FSCN1: variants seen among roughly 807,000 people sequenced by gnomAD.
The protein encoded by FSCN1 is fascin actin-bundling protein 1.
Under a neutral mutation model 39.7 loss-of-function variants are expected in FSCN1, and 10 were observed. The observed-to-expected ratio is 0.25, with a 90% CI of 0.16 to 0.43. The LOEUF is 0.43. Ranked by LOEUF, FSCN1 falls within the 20% of genes least tolerant of loss-of-function variation. The probability of loss-of-function intolerance (pLI) is 1.00; values close to 1 mark genes in which losing one functional copy is unlikely to be tolerated. For missense variants in FSCN1, 525 were observed against 723.8 expected (o/e 0.73, Z 3.15); for synonymous variants, 322 against 320.0 (o/e 1.01, Z -0.07).
intron 1 of FSCN1, chr7:5,602,886 CG>C (rs1003204757): frequency 3.3e-5 from 8 of 244,752 alleles, no homozygotes; most frequent in African/African-American, 1.6e-4. Flanking sequence ...TTTGTAGAGA[CG>C]GGGGTGGGGT....
At chr7:5,604,488 T>C (rs1448431695) in intron 4 of FSCN1, among the ~76,000 whole-genome samples, 2 of 146,368 alleles carry the variant, frequency 1.4e-5, no homozygotes, top group Non-Finnish European at 3.0e-5. Context: ...TTTGTTTGTT[T>C]TTTTGAGACT....
chr7:5,603,449 C>CA lies in FSCN1; in HGVS notation c.989+37dup, dbSNP rs763256193. ...CGCTCCCACCTGTCACCGCCCCCACCACCTTGCCTGGGCTACCCCGCCTGA... is the reference window on the plus strand; with the variant it reads ...CGCTCCCACCTGTCACCGCCCCCACCAACCTTGCCTGGGCTACCCCGCCTGA... On this transcript the variant is annotated intron_variant, in intron 2 of 4. Transcript: ENST00000382361. The surrounding 1 kb of genome is among the most constrained non-coding windows in gnomAD (Gnocchi z 8.5). 7 of 1,613,904 alleles carry CA rather than the reference C, an allele frequency of 4.3e-6. No individual in the cohort carries two copies.
At chr7:5,595,185 T>A (rs1785708741) in intron 1 of FSCN1, among the ~76,000 whole-genome samples, 1 of 152,202 alleles carries the variant, frequency 6.6e-6, no homozygotes, top group Non-Finnish European at 1.5e-5. Flanking sequence ...CTGTGGGCTC[T>A]GCAGGAGGGG....
intron 1 of FSCN1, among the ~76,000 whole-genome samples, chr7:5,596,371 A>G (rs752884339): frequency 2.6e-5 from 4 of 151,910 alleles, no homozygotes; most frequent in Non-Finnish European, 4.4e-5. Flanking sequence ...CCTGCTCTTC[A>G]GCCTCAGTTT....
intron 1 of FSCN1, among the ~76,000 whole-genome samples, chr7:5,602,443 C>T (rs1274380611): frequency 6.6e-6 from 1 of 152,108 alleles, no homozygotes; most frequent in African/African-American, 2.4e-5. Context: ...CACGGCCCCC[C>T]AAGATGCGCT....
At chr7:5,604,897 A>G (rs925971746) in intron 4 of FSCN1, among the ~76,000 whole-genome samples, 1 of 151,978 alleles carries the variant, frequency 6.6e-6, no homozygotes, top group African/African-American at 2.4e-5. Flanking sequence ...TCAGCCTCCC[A>G]CAGTGCTGGG....
At chr7:5,595,057 G>C (rs1013081863) in intron 1 of FSCN1, among the ~76,000 whole-genome samples, 3 of 152,226 alleles carry the variant, frequency 2.0e-5, no homozygotes, top group Non-Finnish European at 2.9e-5. Context: ...GGCGTGGGGG[G>C]ATCTTTTTCC....
intron 1 of FSCN1, chr7:5,594,051 C>T (rs546954435): frequency 7.3e-6 from 3 of 412,826 alleles, no homozygotes; most frequent in Non-Finnish European, 1.3e-5. Flanking sequence ...CCTAACCCCC[C>T]CCCCCGCCCA....
intron 1 of FSCN1, chr7:5,602,998 C>A: frequency 3.7e-6 from 2 of 538,898 alleles, no homozygotes; most frequent in Non-Finnish European, 6.7e-6. Flanking sequence ...GCATGAGCCC[C>A]TGTCCCTGGC....
rs568990173 is a variant in FSCN1 at position 5,599,325 on chromosome 7, G to C, written c.833-3932G>C. On this transcript the variant is annotated intron_variant, in intron 1 of 4. Transcript: ENST00000382361. This position sits in a 1 kb window ranked among gnomAD's most constrained non-coding sequence, Gnocchi z 5.6. ...CCAGGAACCCATAGACAAGAGGGTG[G>C]GGCAGGGAAAGGGCGTGGCAAGAGG... Among the ~76,000 whole-genome samples the C allele has an allele frequency of 6.3e-4, 96 of 152,298 alleles. No individual in the cohort carries two copies. The highest frequency in any genetic ancestry group is 2.2e-3 in the African/African-American group (93 of 41,572).
At chr7:5,598,490 G>A (rs1440968374) in intron 1 of FSCN1, among the ~76,000 whole-genome samples, 1 of 152,250 alleles carries the variant, frequency 6.6e-6, no homozygotes, top group African/African-American at 2.4e-5. Flanking sequence ...TAAGCCCTGC[G>A]CAGCCATTGG....
chr7:5,597,896 G>C (rs995226192), intron 1 of FSCN1, among the ~76,000 whole-genome samples: 2 of 152,046 alleles, frequency 1.3e-5, no homozygotes, highest in Non-Finnish European at 2.9e-5. Context: ...CCTGGCTCCC[G>C]GGGGCTTCTG....
At chr7:5,600,085 A>G (rs1785798453) in intron 1 of FSCN1, among the ~76,000 whole-genome samples, 1 of 152,062 alleles carries the variant, frequency 6.6e-6, no homozygotes, top group Non-Finnish European at 1.5e-5. Context: ...GGAGGAATCC[A>G]TGTGGATATG....
In FSCN1 at chr7:5,593,502, A is replaced by G. The variant is rs749976300; in HGVS notation, c.566A>G (p.Gln189Arg). ...LAFQDQRYSV[Q>R]TADHRFLRHD... ...TTCCAGGACCAGCGCTACAGCGTGCAGACCGCCGACCACCGCTTCCTGCGC... is the reference window on the plus strand; with the variant it reads ...TTCCAGGACCAGCGCTACAGCGTGCGGACCGCCGACCACCGCTTCCTGCGC... The change falls in exon 1 of 5, where the codon CAG becomes CGG. Residue 189 changes from glutamine to arginine, a missense_variant. Coordinates refer to ENST00000382361, the MANE Select transcript of FSCN1 (RefSeq NM_003088.4). The G allele has an allele frequency of 1.2e-6, 2 of 1,608,380 alleles. No homozygotes were observed. Among genetic ancestry groups the G allele is most frequent in the East Asian group, 4.5e-5 (2 of 44,772 alleles).
At chr7:5,597,717 C>A (rs1266937596) in intron 1 of FSCN1, among the ~76,000 whole-genome samples, 1 of 147,376 alleles carries the variant, frequency 6.8e-6, no homozygotes, top group East Asian at 2.0e-4. Flanking sequence ...AAACAAAAAA[C>A]TGTAATTAAA....
At chr7:5,598,579 G>T (rs1785771464) in intron 1 of FSCN1, among the ~76,000 whole-genome samples, 1 of 152,226 alleles carries the variant, frequency 6.6e-6, no homozygotes, top group African/African-American at 2.4e-5. Context: ...TATTTGCAAG[G>T]CTGTGTGAGG....
chr7:5,593,399 C>A lies in FSCN1; in HGVS notation c.463C>A (p.Leu155Met). ...YSVTRKRYAH[L>M]SARPADEIAV... ...CGTCACCCGTAAGCGCTACGCGCACCTGAGCGCGCGGCCGGCCGACGAGAT... is the reference window on the plus strand; with the variant it reads ...CGTCACCCGTAAGCGCTACGCGCACATGAGCGCGCGGCCGGCCGACGAGAT... The change falls in exon 1 of 5, where the codon CTG (leucine) becomes ATG (methionine). Residue 155 changes from leucine (L) to methionine (M), a missense_variant. Around this residue, in one of 3 missense-constraint regions of FSCN1, gnomAD observed 246 missense variants for 350.6 expected, o/e 0.70. Transcript: ENST00000382361. The A allele has an allele frequency of 6.2e-7, 1 of 1,612,328 alleles. No individual in the cohort carries two copies. Among genetic ancestry groups the A allele is most frequent in the Non-Finnish European group, 8.5e-7 (1 of 1,179,790 alleles).
chr7:5,603,394 C>G lies in FSCN1; in HGVS notation c.970C>G (p.Gln324Glu). ...YWTLTATGGV[Q>E]STASSKNASC... is the part of the protein sequence containing the mutation. ...GACGCTGACGGCCACCGGGGGCGTG[C>G]AGTCCACCGCCTCCAGCAAGTGAGT... The change falls in exon 2 of 5, where the codon CAG (glutamine) becomes GAG (glutamate). Residue 324 changes from glutamine to glutamate, a missense_variant. Physicochemically the swap from Gln to Glu is conservative, Grantham distance 29. This residue lies in a region of FSCN1 where 275 missense variants were observed against 351.9 expected (regional missense o/e 0.78). Transcript: ENST00000382361. This position sits in a 1 kb window ranked among gnomAD's most constrained non-coding sequence, Gnocchi z 8.5. The G allele has an allele frequency of 1.2e-6, 2 of 1,613,620 alleles. No individual in the cohort carries two copies. The highest frequency in any genetic ancestry group is 1.7e-6 in the Non-Finnish European group (2 of 1,180,012).
Position 5,592,838 on chromosome 7 carries a change from T to C in FSCN1, c.-99T>C. The C allele has an allele frequency of 2.9e-6, 2 of 688,210 alleles. No homozygotes were observed. Among genetic ancestry groups the C allele is most frequent in the Non-Finnish European group, 4.7e-6 (2 of 421,158 alleles). The allele number at this position is 688,210 out of a possible 1,614,324, so 42.6% of individuals were successfully genotyped here. The stretch of plus-strand genomic sequence containing the variant: ...TTTGTGGAGCGCTGCGGAGGGTGCG[T>C]GCGGGCCGCGGCAGCCGAACAAAGG... On this transcript the variant is annotated 5_prime_UTR_variant, in exon 1 of 5. Transcript: ENST00000382361. This position sits in a 1 kb window ranked among gnomAD's most constrained non-coding sequence, Gnocchi z 5.3.
Sources: allele counts gnomAD v4.1 joint callset (sites outside exome capture counted in the v4.1 genomes callset), GRCh38; gene constraint gnomAD v4.1.1; regional missense constraint gnomAD v4.1.1; non-coding constraint Gnocchi (gnomAD v3.1); transcripts MANE v1.5; gene names NCBI Gene and HGNC (gene_info 2026-07-23, HGNC 2026-07-21).